The following ELP4 variants were observed in gnomAD, a reference collection of about 807,000 sequenced individuals.
ELP4 encodes the protein elongator acetyltransferase complex subunit 4.
A neutral mutation model predicts 48.9 loss-of-function variants in ELP4; 51 were observed. The observed-to-expected ratio is 1.04, with a 90% CI of 0.83 to 1.32. ELP4 has a LOEUF of 1.32. ELP4 is among the 40% of genes most tolerant of loss of function. The probability of loss-of-function intolerance (pLI) is 0.00; values close to 1 mark genes in which losing one functional copy is unlikely to be tolerated. For missense variants in ELP4, 519 were observed against 514.6 expected, an observed-to-expected ratio of 1.01 and a Z score of -0.08; for synonymous variants, 210 against 189.2, an observed-to-expected ratio of 1.11 and a Z score of -0.90.
At chr11:31,640,161 G>T (rs887671638) in intron 7 of ELP4, among the ~76,000 whole-genome samples, 6 of 151,944 alleles carry the variant, frequency 3.9e-5, no homozygotes, top group African/African-American at 1.2e-4. Context: ...GAGGGGAAAT[G>T]ATCTTTTACA....
At chr11:31,596,038 A>C (rs1957665826) in intron 4 of ELP4, among the ~76,000 whole-genome samples, 1 of 152,018 alleles carries the variant, frequency 6.6e-6, no homozygotes, top group Non-Finnish European at 1.5e-5. Flanking sequence ...AAATGTTACT[A>C]CCTCTTATGG....
At chr11:31,769,377 AAT>A (rs1948095488) in intron 9 of ELP4, among the ~76,000 whole-genome samples, 1 of 152,200 alleles carries the variant, frequency 6.6e-6, no homozygotes. Flanking sequence ...GTTAGACACA[AAT>A]ATATATGATT....
intron 9 of ELP4, among the ~76,000 whole-genome samples, chr11:31,716,574 C>CGG (rs1565124711): frequency 6.6e-6 from 1 of 152,098 alleles, no homozygotes; most frequent in Non-Finnish European, 1.5e-5. Context: ...CTGTGTGTAG[C>CGG]CCATCAGTGA....
rs190210571 is a variant in ELP4, at chr11:31,547,744, A to C, written c.381+7961A>C. On this transcript the variant is annotated intron_variant, in intron 3 of 9. Transcript: ENST00000640961. ...TTCATGCAAAAATCCTCAATAAAAT[A>C]CTGGCAAACCGAATCCAGCAGCACA... 1.8e-3 allele frequency among the ~76,000 whole-genome samples: 280 copies of C among 152,362 alleles called. 3 individuals are homozygous for C. Among genetic ancestry groups the C allele is most frequent in the African/African-American group, 6.4e-3 (268 of 41,586 alleles).
At chr11:31,622,368 T>G (rs1429966945) in intron 5 of ELP4, among the ~76,000 whole-genome samples, 2 of 151,154 alleles carry the variant, frequency 1.3e-5, no homozygotes, top group Non-Finnish European at 3.0e-5. Context: ...AGTGACTTTT[T>G]TTCTTTTTTC....
At position 31,783,641 on chromosome 11, in the gene ELP4, AT is replaced by A; in HGVS notation, c.*119del. On this transcript the variant is annotated 3_prime_UTR_variant, in exon 10 of 10. Coordinates refer to ENST00000640961, the MANE Select transcript of ELP4 (RefSeq NM_019040.5). ...CCCTCCACTCCTTGAAAAACACAGG[AT>A]TATAAAATGGTGCCGCCATTTCTCA... The A allele has an allele frequency of 1.1e-6, 1 of 950,054 alleles. No individual in the cohort carries two copies. The highest frequency in any genetic ancestry group is 1.5e-6 in the Non-Finnish European group (1 of 674,898). 58.9% of individuals were successfully genotyped at this position (950,054 alleles called of 1,614,324 possible).
intron 9 of ELP4, among the ~76,000 whole-genome samples, chr11:31,731,925 A>C (rs1427869820): frequency 6.6e-6 from 1 of 152,210 alleles, no homozygotes; most frequent in Non-Finnish European, 1.5e-5. Context: ...GAATGAAAAA[A>C]AAAATTGCCA....
chr11:31,783,296 G>A, intron 9 of ELP4, 97 bp from the exon 10 acceptor site: 1 of 1,079,644 alleles, frequency 9.3e-7, no homozygotes, highest in East Asian at 2.4e-5. Context: ...CTGATCAACA[G>A]AGCATAATAT....
intron 9 of ELP4, among the ~76,000 whole-genome samples, chr11:31,742,955 C>CA (rs1163711338): frequency 6.6e-6 from 1 of 152,070 alleles, no homozygotes; most frequent in African/African-American, 2.4e-5. Context: ...CACAGACTGG[C>CA]AAAATGGATA....
At chr11:31,557,655 G>A (rs1232079146) in intron 3 of ELP4, among the ~76,000 whole-genome samples, 1 of 151,994 alleles carries the variant, frequency 6.6e-6, no homozygotes, top group Non-Finnish European at 1.5e-5. Context: ...AAATGGGACA[G>A]TTATAAGAAT....
chr11:31,605,318 A>G (rs1176435340), intron 5 of ELP4, among the ~76,000 whole-genome samples: 1 of 152,114 alleles, frequency 6.6e-6, no homozygotes, highest in East Asian at 1.9e-4. Flanking sequence ...CTGCCTTACT[A>G]GCTCACTAAA....
chr11:31,749,925 G>A (rs534073797), intron 9 of ELP4, among the ~76,000 whole-genome samples: 3 of 150,222 alleles, frequency 2.0e-5, no homozygotes, highest in East Asian at 2.0e-4. Context: ...GCGTGATCTC[G>A]GCTCACTGCA....
At chr11:31,629,823 A>C (rs1294665550) in intron 6 of ELP4, among the ~76,000 whole-genome samples, 2 of 148,408 alleles carry the variant, frequency 1.3e-5, no homozygotes, top group Non-Finnish European at 3.0e-5. Flanking sequence ...TTCTGTTGGG[A>C]ATCTAACATG....
chr11:31,582,906 A>G (rs1376137555), intron 3 of ELP4, among the ~76,000 whole-genome samples: 1 of 151,914 alleles, frequency 6.6e-6, no homozygotes, highest in Non-Finnish European at 1.5e-5. Flanking sequence ...GGGGTGGGGG[A>G]CAGTGGAAGG....
chr11:31,758,858 A>G (rs1235799388), intron 9 of ELP4, among the ~76,000 whole-genome samples: 2 of 151,944 alleles, frequency 1.3e-5, no homozygotes, highest in East Asian at 3.9e-4. Flanking sequence ...TGTAGAGACA[A>G]GGTCTCACCA....
chr11:31,660,940 T>C (rs1217179509), intron 9 of ELP4, among the ~76,000 whole-genome samples: 1 of 152,096 alleles, frequency 6.6e-6, no homozygotes, highest in African/African-American at 2.4e-5. Context: ...TTAATAATGA[T>C]CTGTACTAAA....
intron 9 of ELP4, among the ~76,000 whole-genome samples, chr11:31,720,195 A>C (rs1233003751): frequency 6.6e-6 from 1 of 152,152 alleles, no homozygotes; most frequent in Admixed American, 6.5e-5. Context: ...CAGCCTTGGC[A>C]CTGGCAAAAC....
chr11:31,736,390 T>C (rs1017799937), intron 9 of ELP4, among the ~76,000 whole-genome samples: 1 of 152,058 alleles, frequency 6.6e-6, no homozygotes, highest in Non-Finnish European at 1.5e-5. Context: ...AAAACCTAGG[T>C]AATACCATTC....
In ELP4 at chr11:31,632,354, G is replaced by A. The variant is rs1234546493; in HGVS notation, c.876G>A (p.Leu292=). The change falls in exon 7 of 10, where the codon CTG becomes CTA. Residue 292 remains leucine, a synonymous_variant. Transcript: ENST00000640961. The part of the protein sequence containing the change: ...TKFLYVLRGL[L]RTSLSACIIT... ...TCCTCTATGTTCTCCGTGGTCTTCTGAGAACCTCTCTTTCAGCCTGCATCA... is the reference window on the plus strand; with the variant it reads ...TCCTCTATGTTCTCCGTGGTCTTCTAAGAACCTCTCTTTCAGCCTGCATCA... 4 of 1,613,130 alleles carry A rather than the reference G, an allele frequency of 2.5e-6. No individual in the cohort carries two copies. The highest frequency in any genetic ancestry group is 3.4e-6 in the Non-Finnish European group (4 of 1,179,630).
Sources: gnomAD v4.1 joint callset for allele counts (sites outside exome capture counted in the v4.1 genomes callset) on GRCh38, gnomAD v4.1.1 for gene constraint, MANE v1.5 for transcripts, NCBI Gene and HGNC (gene_info 2026-07-23, HGNC 2026-07-21) for gene names.